Variants in MBP observed in about 807,000 individuals in gnomAD.
MBP encodes Golli-MBP.
Under a neutral mutation model 35.8 loss-of-function variants are expected in MBP, and 16 were observed. That is an observed-to-expected ratio of 0.45 (90% confidence interval 0.30 to 0.68). The LOEUF is 0.68. Ranked by LOEUF, MBP falls within the 30% of genes least tolerant of loss-of-function variation. The pLI is 0.08. For synonymous variants in MBP, 143 were observed against 159.6 expected, an observed-to-expected ratio of 0.90 and a Z score of 0.78; for missense variants, 380 against 404.7, an observed-to-expected ratio of 0.94 and a Z score of 0.52.
intron 4 of MBP, among the ~76,000 whole-genome samples, chr18:76,997,783 C>T (rs1307486739): frequency 2.6e-5 from 4 of 151,022 alleles, no homozygotes; most frequent in Non-Finnish European, 4.4e-5. Flanking sequence ...CCCGGGTTCA[C>T]GCCACTCTCC....
chr18:77,068,703 G>T (rs1974309489), intron 2 of MBP, among the ~76,000 whole-genome samples: 1 of 152,212 alleles, frequency 6.6e-6, no homozygotes, highest in South Asian at 2.1e-4. Context: ...GCGAGTCACA[G>T]AGTCCCACGA....
chr18:77,008,580 C>T (rs553897996), intron 4 of MBP, among the ~76,000 whole-genome samples: 101 of 152,296 alleles, frequency 6.6e-4, no homozygotes, highest in African/African-American at 2.4e-3. Flanking sequence ...GCCGCAGCCG[C>T]CAGTCACTCC....
rs147929717 is a variant in MBP at position 77,030,823 on chromosome 18, C to T, written c.140-13555G>A. Among the ~76,000 whole-genome samples the T allele has an allele frequency of 3.0e-3, 457 of 152,240 alleles. 1 individual carries two copies. The highest frequency in any genetic ancestry group is 4.9e-3 in the Admixed American group (75 of 15,296). On this transcript the variant is annotated intron_variant, in intron 3 of 8. Transcript: ENST00000355994. ...GTATCTTCAAGGTGACTGAGGCTAC[C>T]GGGGCCACTGTGTGATCTAGATTCC...
chr18:77,062,363 C>T (rs964724528), intron 3 of MBP, among the ~76,000 whole-genome samples: 9 of 152,100 alleles, frequency 5.9e-5, no homozygotes, highest in Admixed American at 2.6e-4. Context: ...GGTCAGAAAA[C>T]GCTTAGCAGC....
chr18:77,051,865 C>A (rs1000882001), intron 3 of MBP, among the ~76,000 whole-genome samples: 1 of 152,080 alleles, frequency 6.6e-6, no homozygotes, highest in Non-Finnish European at 1.5e-5. Context: ...CTTTTTTTAA[C>A]ACCTTGTTTC....
chr18:77,015,997 T>C lies in MBP; in HGVS notation c.576+835A>G, dbSNP rs188499304. 3,926 of 985,406 alleles carry C rather than the reference T, an allele frequency of 4.0e-3. 9 individuals are homozygous for C. The highest frequency in any genetic ancestry group is 4.3e-3 in the Non-Finnish European group (3,607 of 829,924). The allele number at this position is 985,406 out of a possible 1,614,324, so 61.0% of individuals were successfully genotyped here. A position where few individuals can be genotyped will look rare whatever the true frequency, so the allele number is the denominator to read the frequency against. The stretch of plus-strand genomic sequence containing the variant: ...GGAAAAACTTCTTTCTCTCCAAAAT[T>C]ACACAACCACCAAACACTCTAAACA... On this transcript the variant is annotated intron_variant, in intron 4 of 8. Coordinates refer to ENST00000355994, the MANE Select transcript of MBP (RefSeq NM_001025101.2).
chr18:77,039,379 A>G (rs1413071684), intron 3 of MBP, among the ~76,000 whole-genome samples: 1 of 152,218 alleles, frequency 6.6e-6, no homozygotes, highest in Non-Finnish European at 1.5e-5. Context: ...GTGAGCCTCT[A>G]GGTGTATGAA....
At chr18:77,127,739 T>A (rs1209912873) in intron 1 of MBP, 1 of 152,124 alleles carries the variant, frequency 6.6e-6, no homozygotes, top group Non-Finnish European at 1.5e-5. Context: ...GACTTTTCAC[T>A]GAGGAGGATA....
At chr18:76,986,966 G>A (rs989448101) in intron 7 of MBP, 1 of 985,454 alleles carries the variant, frequency 1.0e-6, no homozygotes, top group African/African-American at 1.7e-5. Context: ...CTCCAGACAA[G>A]GAGAGAGTCC....
intron 2 of MBP, among the ~76,000 whole-genome samples, chr18:77,104,888 CTCTT>C (rs1976198018): frequency 6.6e-6 from 1 of 152,008 alleles, no homozygotes; most frequent in South Asian, 2.1e-4. Context: ...TTCCCTCTTT[CTCTT>C]TCTTCTTCTC....
At chr18:77,049,109 C>T (rs1487331605) in intron 3 of MBP, among the ~76,000 whole-genome samples, 2 of 151,652 alleles carry the variant, frequency 1.3e-5, no homozygotes, top group South Asian at 2.1e-4. Context: ...TTAGTAGAGA[C>T]GAGGTTTCAC....
intron 3 of MBP, among the ~76,000 whole-genome samples, chr18:77,047,902 TA>T (rs1973320922): frequency 6.6e-6 from 1 of 152,244 alleles, no homozygotes; most frequent in Non-Finnish European, 1.5e-5. Flanking sequence ...TTAGATCTAT[TA>T]ATCTTCAGAG....
intron 1 of MBP, among the ~76,000 whole-genome samples, chr18:77,111,161 C>G (rs1426169106): frequency 6.6e-6 from 1 of 152,188 alleles, no homozygotes; most frequent in Admixed American, 6.5e-5. Flanking sequence ...GAAGACACGA[C>G]TCTGTGGGTC....
intron 1 of MBP, among the ~76,000 whole-genome samples, chr18:77,118,633 C>CACACAA (rs1568348645): frequency 7.5e-6 from 1 of 133,878 alleles, no homozygotes; most frequent in African/African-American, 2.7e-5. Flanking sequence ...CACACACACA[C>CACACAA]ACACACTACA....
chr18:77,074,203 C>T (rs137999011), intron 2 of MBP, among the ~76,000 whole-genome samples: 637 of 152,230 alleles, frequency 4.2e-3, no homozygotes, highest in Non-Finnish European at 6.8e-3. Context: ...GTTTCTCCCA[C>T]TTTTAGGCTT....
intron 1 of MBP, chr18:77,127,225 C>T (rs552225405): frequency 6.6e-6 from 1 of 152,248 alleles, no homozygotes; most frequent in Admixed American, 6.5e-5. Flanking sequence ...GAAATAGACC[C>T]ACAGCAATAA....
In MBP at chr18:76,994,400, GA is replaced by G. The variant is rs1363923368; in HGVS notation, c.577-4341del. On this transcript the variant is annotated intron_variant, in intron 4 of 8. Coordinates refer to ENST00000355994, the MANE Select transcript of MBP (RefSeq NM_001025101.2). ...GACTTAAACTTTTTAAGTTTCTAAA[GA>G]AAAAACTTAGGGTTAGGTTAGGTTT... is the stretch of plus-strand genomic sequence containing the variant. Among the ~76,000 whole-genome samples the G allele has an allele frequency of 3.9e-5, 6 of 152,250 alleles. No homozygotes were observed. The Middle Eastern group carries it at 0.01, about 259-fold the overall frequency.
chr18:77,017,651 T>A (rs1427407566), intron 3 of MBP: 1 of 181,194 alleles, frequency 5.5e-6, no homozygotes, highest in Non-Finnish European at 1.1e-5. Context: ...AAAAGGCCAC[T>A]GGTGCATAAG....
intron 1 of MBP, among the ~76,000 whole-genome samples, chr18:77,118,750 C>A (rs748270875): frequency 7.3e-5 from 11 of 151,026 alleles, no homozygotes; most frequent in African/African-American, 2.7e-4. Context: ...AGACACCACA[C>A]ACACACCACA....
Sources: allele counts gnomAD v4.1 joint callset (sites outside exome capture counted in the v4.1 genomes callset), GRCh38; gene constraint gnomAD v4.1.1; transcripts MANE v1.5; gene names NCBI Gene and HGNC (gene_info 2026-07-23, HGNC 2026-07-21).